FRZB: variants seen among roughly 807,000 people sequenced by gnomAD.
FRZB encodes secreted frizzled-related protein 3.
FRZB carries 34 observed loss-of-function variants against 32.5 expected under a neutral mutation model. The observed-to-expected ratio is 1.05, with a 90% CI of 0.80 to 1.39. The LOEUF (loss-of-function observed/expected upper bound fraction) is 1.39. Ranked by LOEUF, FRZB falls within the 40% of genes most tolerant of loss-of-function variation. The pLI, the probability that FRZB is intolerant of heterozygous loss-of-function variation, is 0.00. For missense variants in FRZB, 423 were observed against 424.8 expected, an observed-to-expected ratio of 1.00 and a Z score of 0.04; for synonymous variants, 170 against 159.2, an observed-to-expected ratio of 1.07 and a Z score of -0.51.
intron 2 of FRZB, among the ~76,000 whole-genome samples, chr2:182,846,903 T>C (rs1047868120): frequency 3.9e-5 from 6 of 152,302 alleles, no homozygotes; most frequent in Non-Finnish European, 8.8e-5. Flanking sequence ...GTAGAACTGA[T>C]AGTAGTATCT....
In FRZB at chr2:182,837,980, TCTCAG is replaced by T; in HGVS notation, c.824_828del (p.Ala275GlufsTer8). ...TTTTTACCGAGTCGATCCTTCCACTTCTCAGCTATAGAGCCTTCCACCAAGAGTAA... is the reference window on the plus strand; with the variant it reads ...TTTTTACCGAGTCGATCCTTCCACTTCTATAGAGCCTTCCACCAAGAGTAA... On this transcript the variant is annotated frameshift_variant, in exon 5 of 6. Transcript: ENST00000295113. LOFTEE classifies it high-confidence loss of function. The T allele has an allele frequency of 1.2e-6, 2 of 1,612,296 alleles. No homozygotes were observed. Among genetic ancestry groups the T allele is most frequent in the Non-Finnish European group, 1.7e-6 (2 of 1,178,898 alleles).
At chr2:182,854,211 G>A (rs1455852825) in intron 2 of FRZB, among the ~76,000 whole-genome samples, 1 of 152,090 alleles carries the variant, frequency 6.6e-6, no homozygotes, top group African/African-American at 2.4e-5. Flanking sequence ...GCAGAGAGTG[G>A]TTACTTTGTG....
chr2:182,838,525 C>CA lies in FRZB; in HGVS notation c.680dup (p.Val228GlyfsTer22). On this transcript the variant is annotated frameshift_variant, in exon 4 of 6. Transcript: ENST00000295113. LOFTEE classifies it high-confidence loss of function. ...TGACAGTGTCCCGTGGAATGTTTAC[C>CA]AGAGAGGACTTTAGAATCTCCTTCA... The CA allele has an allele frequency of 6.2e-7, 1 of 1,612,942 alleles. No homozygotes were observed. The highest frequency in any genetic ancestry group is 8.5e-7 in the Non-Finnish European group (1 of 1,179,224).
chr2:182,853,271 G>GT (rs1259649848), intron 2 of FRZB, among the ~76,000 whole-genome samples: 1 of 152,108 alleles, frequency 6.6e-6, no homozygotes, highest in Admixed American at 6.6e-5. Context: ...ATGTTGAACT[G>GT]TTTTTTGTAT....
intron 2 of FRZB, among the ~76,000 whole-genome samples, chr2:182,849,020 G>A (rs1337406417): frequency 6.6e-6 from 1 of 152,134 alleles, no homozygotes; most frequent in Non-Finnish European, 1.5e-5. Flanking sequence ...GAGGTCAGGA[G>A]ATCGAGACCA....
chr2:182,854,533 C>G (rs1359447696), intron 2 of FRZB, among the ~76,000 whole-genome samples: 3 of 152,210 alleles, frequency 2.0e-5, no homozygotes, highest in African/African-American at 4.8e-5. Flanking sequence ...ACAGAGTACA[C>G]TCCAGTTCTA....
intron 2 of FRZB, among the ~76,000 whole-genome samples, chr2:182,846,840 A>G (rs1307758400): frequency 6.6e-6 from 1 of 152,226 alleles, no homozygotes; most frequent in African/African-American, 2.4e-5. Flanking sequence ...TAACAGTTCC[A>G]TAATTTTTAA....
chr2:182,863,860 G>C (rs934665032), intron 1 of FRZB, among the ~76,000 whole-genome samples: 1 of 151,580 alleles, frequency 6.6e-6, no homozygotes, highest in Non-Finnish European at 1.5e-5. Flanking sequence ...GAAGCCAGGA[G>C]ACCCTTCAGG....
intron 1 of FRZB, among the ~76,000 whole-genome samples, chr2:182,864,385 T>A (rs1475766335): frequency 6.6e-6 from 1 of 152,158 alleles, no homozygotes; most frequent in African/African-American, 2.4e-5. Context: ...TTTAACTGAT[T>A]CTAAGTGCCT....
intron 2 of FRZB, among the ~76,000 whole-genome samples, chr2:182,856,142 A>G (rs988325502): frequency 2.6e-5 from 4 of 152,022 alleles, no homozygotes; most frequent in African/African-American, 9.7e-5. Context: ...AAAATACTTA[A>G]GAAAGTTCTT....
intron 5 of FRZB, among the ~76,000 whole-genome samples, 169 bp downstream of exon 5, chr2:182,837,779 T>C (rs781457264): frequency 1.3e-5 from 2 of 151,980 alleles, no homozygotes; most frequent in Non-Finnish European, 1.5e-5. Context: ...TTAAATAAAA[T>C]AGACATTAAA....
rs1559046279 is a variant in FRZB at position 182,838,488 on chromosome 2, TGGTATAGA to T, written c.710_717del (p.Leu237GlnfsTer10). 6.2e-7 allele frequency: 1 copy of T among 1,613,014 alleles called. No homozygotes were observed. Among genetic ancestry groups the T allele is most frequent in the Non-Finnish European group, 8.5e-7 (1 of 1,179,296 alleles). Reference sequence around the variant, plus strand: ...AGTGGAGGGCAGAGGCAGCCAGAGCTGGTATAGAGGTTGACAGTGTCCCGTGGAATGTT... The same window carrying T: ...AGTGGAGGGCAGAGGCAGCCAGAGCTGGTTGACAGTGTCCCGTGGAATGTT... On this transcript the variant is annotated frameshift_variant, in exon 4 of 6. Transcript: ENST00000295113. LOFTEE classifies it high-confidence loss of function.
At chr2:182,855,027 C>T (rs1296860400) in intron 2 of FRZB, among the ~76,000 whole-genome samples, 1 of 152,178 alleles carries the variant, frequency 6.6e-6, no homozygotes, top group Non-Finnish European at 1.5e-5. Flanking sequence ...AAGTATTGCT[C>T]TGACCTCATA....
intron 1 of FRZB, among the ~76,000 whole-genome samples, chr2:182,863,442 T>C: frequency 6.6e-6 from 1 of 152,252 alleles, no homozygotes; most frequent in East Asian, 1.9e-4. Flanking sequence ...AAGCAAAAAG[T>C]AGTTTCAAGC....
chr2:182,840,317 G>C (rs1405348558), intron 3 of FRZB, among the ~76,000 whole-genome samples: 1 of 152,040 alleles, frequency 6.6e-6, no homozygotes, highest in Non-Finnish European at 1.5e-5. Flanking sequence ...GTGCTTCATA[G>C]CATCCATCAA....
At chr2:182,856,353 C>T (rs1695769452) in intron 2 of FRZB, among the ~76,000 whole-genome samples, 1 of 151,612 alleles carries the variant, frequency 6.6e-6, no homozygotes, top group Non-Finnish European at 1.5e-5. Context: ...ATATATATCT[C>T]ACATACGTGT....
chr2:182,845,255 G>A (rs1695627456), intron 2 of FRZB, among the ~76,000 whole-genome samples: 1 of 152,062 alleles, frequency 6.6e-6, no homozygotes, highest in East Asian at 1.9e-4. Context: ...TATGTTGCAT[G>A]CATTAGCTGT....
intron 2 of FRZB, among the ~76,000 whole-genome samples, chr2:182,856,559 CTA>C (rs569428944): frequency 1.6e-3 from 248 of 152,034 alleles, no homozygotes; most frequent in Middle Eastern, 6.8e-3. Flanking sequence ...AAAGACCCAA[CTA>C]TATGATGTCT....
At chr2:182,837,684 G>C (rs1178784895) in intron 5 of FRZB, among the ~76,000 whole-genome samples, 1 of 151,936 alleles carries the variant, frequency 6.6e-6, no homozygotes, top group Non-Finnish European at 1.5e-5. Flanking sequence ...ACCCTACCAG[G>C]ACTGGACTAC....
Sources: allele counts gnomAD v4.1 joint callset (sites outside exome capture counted in the v4.1 genomes callset), GRCh38; gene constraint gnomAD v4.1.1; transcripts MANE v1.5; gene names NCBI Gene and HGNC (gene_info 2026-07-23, HGNC 2026-07-21).